The following ERCC6 variants were observed in gnomAD, a reference collection of about 807,000 sequenced individuals.
The protein encoded by ERCC6 is DNA excision repair protein ERCC-6.
Under a neutral mutation model 158.7 loss-of-function variants are expected in ERCC6, and 116 were observed. The ratio of observed to expected loss-of-function variants is 0.73; its 90% CI spans 0.63 to 0.85. ERCC6 has a LOEUF of 0.85. ERCC6 is among the 40% of genes least tolerant of loss of function. The pLI, the probability that ERCC6 is intolerant of heterozygous loss-of-function variation, is 0.00. For synonymous variants in ERCC6, 678 were observed against 659.3 expected, an observed-to-expected ratio of 1.03 and a Z score of -0.43; for missense variants, 1,698 against 1,799.4, an observed-to-expected ratio of 0.94 and a Z score of 1.02.
In ERCC6 at chr10:49,528,118, T is replaced by G. The variant is rs1191975073; in HGVS notation, c.652+299A>C. Among the ~76,000 whole-genome samples the G allele has an allele frequency of 2.0e-5, 3 of 152,204 alleles. No individual in the cohort carries two copies. In the East Asian group the frequency reaches 5.8e-4, roughly 29 times the overall value. On this transcript the variant is annotated intron_variant, in intron 4 of 20. Coordinates refer to ENST00000355832, the MANE Select transcript of ERCC6 (RefSeq NM_000124.4). ...ACATGTAATTTAATCATGATGCTAG[T>G]TGTCTTTATCAAATTAACAAAATAA...
At chr10:49,484,196 C>G (rs887595913) in intron 8 of ERCC6, among the ~76,000 whole-genome samples, 1 of 150,926 alleles carries the variant, frequency 6.6e-6, no homozygotes, top group Non-Finnish European at 1.5e-5. Flanking sequence ...TGGGAGGATC[C>G]CTTGAGCCCA....
chr10:49,483,241 G>T, intron 9 of ERCC6, 105 bp downstream of exon 9: 2 of 1,199,058 alleles, frequency 1.7e-6, no homozygotes, highest in Non-Finnish European at 2.5e-6. Flanking sequence ...TTGTGCAGTT[G>T]GCACAAGGAA....
intron 18 of ERCC6, among the ~76,000 whole-genome samples, chr10:49,462,831 A>C (rs1357702379): frequency 1.3e-5 from 2 of 152,232 alleles, no homozygotes; most frequent in Non-Finnish European, 2.9e-5. Flanking sequence ...ACTCTTGACA[A>C]GCCTCTGGGC....
chr10:49,512,180 A>G (rs1300954776), intron 5 of ERCC6, among the ~76,000 whole-genome samples: 1 of 152,216 alleles, frequency 6.6e-6, no homozygotes, highest in Non-Finnish European at 1.5e-5. Flanking sequence ...CTGTCATGCT[A>G]GCTCACTCCA....
At chr10:49,512,140 G>T (rs770165988) in intron 5 of ERCC6, among the ~76,000 whole-genome samples, 5 of 152,122 alleles carry the variant, frequency 3.3e-5, no homozygotes, top group Non-Finnish European at 7.4e-5. Flanking sequence ...GAGCCAGCAG[G>T]AGCTCAGTTC....
intron 8 of ERCC6, among the ~76,000 whole-genome samples, chr10:49,489,878 A>T (rs1247776298): frequency 6.6e-6 from 1 of 152,188 alleles, no homozygotes; most frequent in East Asian, 1.9e-4. Flanking sequence ...CCCCAAGGAA[A>T]GAGTTGGCTT....
intron 5 of ERCC6, chr10:49,516,326 A>G: frequency 6.2e-7 from 1 of 1,614,176 alleles, no homozygotes; most frequent in East Asian, 2.2e-5. Flanking sequence ...AATATGTTTC[A>G]TTTGGAACAA....
In ERCC6 at chr10:49,489,526, A is replaced by G. The variant is rs950297170; in HGVS notation, c.1821+3591T>C. Among the ~76,000 whole-genome samples, 49 of 152,220 alleles carry G rather than the reference A, an allele frequency of 3.2e-4. 2 individuals are homozygous for G. Among genetic ancestry groups the G allele is most frequent in the Admixed American group, 4.6e-4 (7 of 15,284 alleles). ...CCAAGATTCGAACCCTGGTCTTGTA[A>G]GCACAAAACCAATGCACTTAAAACT... On this transcript the variant is annotated intron_variant, in intron 8 of 20. Transcript: ENST00000355832.
intron 4 of ERCC6, 96 bp from the exon 5 acceptor site, chr10:49,524,873 A>G: frequency 6.4e-7 from 1 of 1,552,074 alleles, no homozygotes; most frequent in Non-Finnish European, 8.7e-7. Flanking sequence ...AGGCAGCTAC[A>G]AATAACTCAT....
At chr10:49,446,259 C>CACA in the ERCC6 span, among the ~76,000 whole-genome samples, 4,766 of 114,260 alleles carry the variant, frequency 0.042, 148 homozygotes, top group Admixed American at 0.12. Flanking sequence ...ACACACACAC[C>CACA]CCCCAATTTA....
Position 49,483,083 on chromosome 10 carries a change from A to G in ERCC6, c.1993-220T>C, listed in dbSNP as rs536096948. On this transcript the variant is annotated intron_variant, in intron 9 of 20. Coordinates refer to ENST00000355832, the MANE Select transcript of ERCC6 (RefSeq NM_000124.4). Reference sequence around the variant, plus strand: ...TTTTTTCTTATTGTTGAAGCTGAATACTATAGATTAGAGTTGGGTTTGGTT... The same window carrying G: ...TTTTTTCTTATTGTTGAAGCTGAATGCTATAGATTAGAGTTGGGTTTGGTT... 3.9e-5 allele frequency among the ~76,000 whole-genome samples: 6 copies of G among 152,338 alleles called. No homozygotes were observed. In the South Asian group the frequency reaches 6.2e-4, roughly 16 times the overall value.
chr10:49,435,452 T>C, the ERCC6 span, among the ~76,000 whole-genome samples: 134,813 of 152,184 alleles, frequency 0.89, 59,757 homozygotes, highest in East Asian at 1. Context: ...AACACCAAAA[T>C]AGCCAATCCC....
In ERCC6 at chr10:49,470,996, C is replaced by T; in HGVS notation, c.3049G>A (p.Glu1017Lys). The change falls in exon 17 of 21, where the codon GAA becomes AAA. Residue 1017 changes from glutamate to lysine, a missense_variant. Coordinates refer to ENST00000355832, the MANE Select transcript of ERCC6 (RefSeq NM_000124.4). ...ATACCTGCAAAAATTGCACTTGTTT[C>T]AGTGCTCTGGGATGCATCAGGACTA... ...LTSPDASQST[E>K]TSAIFAGTGS... 1 of 1,613,972 alleles carries T rather than the reference C, an allele frequency of 6.2e-7. No homozygotes were observed. The highest frequency in any genetic ancestry group is 8.5e-7 in the Non-Finnish European group (1 of 1,179,982).
chr10:49,442,081 CCTGT>C, the ERCC6 span, among the ~76,000 whole-genome samples: 1 of 152,122 alleles, frequency 6.6e-6, no homozygotes. Flanking sequence ...GGGGTGGGGG[CCTGT>C]CTTTTAGGAA....
rs1036022665 is a variant in ERCC6, at chr10:49,493,241, A to C, written c.1697T>G (p.Leu566Trp). ...TGGACAGACAATTACAGTTGGACCC[A>C]ACCCCTCAAACCTGCATCCAAACGT... is the stretch of plus-strand genomic sequence containing the variant. ...TRGSNYRFEGLGPTVIVCPTT... is the reference protein window; with the variant it reads ...TRGSNYRFEGWGPTVIVCPTT... The change falls in exon 8 of 21, where the codon TTG becomes TGG. Residue 566 changes from leucine (L) to tryptophan (W), a missense_variant. Transcript: ENST00000355832. 1.9e-6 allele frequency: 3 copies of C among 1,614,126 alleles called. No individual in the cohort carries two copies. The highest frequency in any genetic ancestry group is 1.1e-5 in the South Asian group (1 of 91,080).
downstream of ERCC6, among the ~76,000 whole-genome samples, chr10:49,452,966 T>A (rs1382008791): frequency 6.6e-6 from 1 of 152,152 alleles, no homozygotes; most frequent in African/African-American, 2.4e-5. Context: ...AAGTGTGTTA[T>A]CTATGGGAGC....
At chr10:49,471,959 A>T in intron 16 of ERCC6, among the ~76,000 whole-genome samples, 1 of 152,348 alleles carries the variant, frequency 6.6e-6, no homozygotes, top group South Asian at 2.1e-4. Context: ...TGTAAGGGGC[A>T]TCAGAGTCAA....
At chr10:49,461,765 A>G (rs1434336788) in intron 18 of ERCC6, among the ~76,000 whole-genome samples, 1 of 152,212 alleles carries the variant, frequency 6.6e-6, no homozygotes, top group African/African-American at 2.4e-5. Context: ...TAACCTTCCT[A>G]TTTACAAACA....
intron 18 of ERCC6, among the ~76,000 whole-genome samples, chr10:49,464,093 G>A (rs78149856): frequency 2.0e-4 from 30 of 152,296 alleles, no homozygotes; most frequent in African/African-American, 6.7e-4. Context: ...GGGAAGGTTT[G>A]CAACTTCCTA....
Sources: allele counts gnomAD v4.1 joint callset (sites outside exome capture counted in the v4.1 genomes callset), GRCh38; gene constraint gnomAD v4.1.1; transcripts MANE v1.5; gene names NCBI Gene and HGNC (gene_info 2026-07-23, HGNC 2026-07-21).